NAA60: variants seen among roughly 807,000 people sequenced by gnomAD.
NAA60 encodes the protein N-alpha-acetyltransferase 60, NatF catalytic subunit.
Under a neutral mutation model 26.1 loss-of-function variants are expected in NAA60, and 8 were observed. The ratio of observed to expected loss-of-function variants is 0.31; its 90% CI spans 0.18 to 0.55. The LOEUF is 0.55. Among genes scored for constraint, NAA60 ranks in the 20% least tolerant of loss-of-function variants. The pLI is 0.93. For missense variants in NAA60, 290 were observed against 311.3 expected, an observed-to-expected ratio of 0.93 and a Z score of 0.51; for synonymous variants, 131 against 122.5, an observed-to-expected ratio of 1.07 and a Z score of -0.46.
rs572338954 is a variant in NAA60, at chr16:3,448,688, A to G, written c.-7+148A>G. On this transcript the variant is annotated intron_variant, in intron 2 of 7. Transcript: ENST00000407558. Reference sequence around the variant, plus strand: ...ATGATAGAAGGCGCCTAGTGAAACAAATGCTTTCACTTTTTTGCTAGGAGG... The same window carrying G: ...ATGATAGAAGGCGCCTAGTGAAACAGATGCTTTCACTTTTTTGCTAGGAGG... 1.3e-5 allele frequency: 8 copies of G among 633,354 alleles called. No individual in the cohort carries two copies. In the South Asian group the frequency reaches 1.4e-4, roughly 11 times the overall value. The allele number at this position is 633,354 out of a possible 1,614,324, so 39.2% of individuals were successfully genotyped here.
chr16:3,473,310 G>A (rs965285732), intron 2 of NAA60, among the ~76,000 whole-genome samples: 7 of 152,162 alleles, frequency 4.6e-5, no homozygotes, highest in African/African-American at 1.7e-4. Context: ...ATGGACTCAC[G>A]GTTGTACATG....
At chr16:3,447,512 A>T (rs1029752182) in intron 1 of NAA60, 3 of 985,214 alleles carry the variant, frequency 3.0e-6, no homozygotes, top group Non-Finnish European at 2.4e-6. Flanking sequence ...CTATTACTTA[A>T]ACATAAGTAT....
At chr16:3,460,124 G>T (rs1391429575) in intron 2 of NAA60, among the ~76,000 whole-genome samples, 1 of 152,164 alleles carries the variant, frequency 6.6e-6, no homozygotes, top group Non-Finnish European at 1.5e-5. Context: ...ATGCAGAGAA[G>T]AGGCTTCAGC....
chr16:3,447,759 C>G (rs2034612880), intron 1 of NAA60: 1 of 397,950 alleles, frequency 2.5e-6, no homozygotes, highest in African/African-American at 2.2e-5. Context: ...GTCATGCCTG[C>G]AAGAACAAGA....
intron 2 of NAA60, chr16:3,449,875 C>T: frequency 2.6e-6 from 1 of 383,060 alleles, no homozygotes; most frequent in South Asian, 1.4e-4. Context: ...CTTTTGTCTG[C>T]CACCATGTGA....
intron 2 of NAA60, among the ~76,000 whole-genome samples, chr16:3,459,711 G>T (rs796526855): frequency 5.3e-5 from 8 of 152,290 alleles, no homozygotes; most frequent in African/African-American, 1.9e-4. Flanking sequence ...GCAAAGTCAA[G>T]GCATGGTCTG....
chr16:3,472,651 T>G (rs1172590933), intron 2 of NAA60, among the ~76,000 whole-genome samples: 2 of 152,190 alleles, frequency 1.3e-5, no homozygotes, highest in Non-Finnish European at 2.9e-5. Context: ...GCCAGGCTGG[T>G]CTTGAACTCC....
chr16:3,466,113 A>T (rs966269804), intron 2 of NAA60, among the ~76,000 whole-genome samples: 1 of 152,244 alleles, frequency 6.6e-6, no homozygotes, highest in Non-Finnish European at 1.5e-5. Flanking sequence ...GCACATCGCC[A>T]TCGCGCTTCT....
chr16:3,461,504 G>T (rs1264394940), intron 2 of NAA60, among the ~76,000 whole-genome samples: 3 of 152,228 alleles, frequency 2.0e-5, no homozygotes, highest in Admixed American at 6.5e-5. Flanking sequence ...CAGCCAGGGA[G>T]AAGCCATCGC....
chr16:3,476,446 G>A, intron 3 of NAA60, 109 bp downstream of exon 3: 1 of 904,734 alleles, frequency 1.1e-6, no homozygotes, highest in Non-Finnish European at 1.7e-6. Context: ...CTGCAAAGAT[G>A]GGAATGGCCT....
At chr16:3,446,170 T>C (rs567250627) in intron 1 of NAA60, among the ~76,000 whole-genome samples, 1 of 152,356 alleles carries the variant, frequency 6.6e-6, no homozygotes, top group East Asian at 1.9e-4. Flanking sequence ...ATCTGCTTTC[T>C]CTGAAAATTA....
At chr16:3,449,158 A>T (rs3848358) in intron 2 of NAA60, among the ~76,000 whole-genome samples, 13 of 150,836 alleles carry the variant, frequency 8.6e-5, no homozygotes, top group African/African-American at 2.0e-4. Context: ...AGATCTCTGG[A>T]GGTCAGGAGT....
At chr16:3,462,207 C>G (rs1419458301) in intron 2 of NAA60, among the ~76,000 whole-genome samples, 2 of 151,718 alleles carry the variant, frequency 1.3e-5, no homozygotes, top group Non-Finnish European at 2.9e-5. Flanking sequence ...TCGATTTGGC[C>G]AGCAAAGTAT....
At chr16:3,464,490 T>C (rs1567376461) in intron 2 of NAA60, among the ~76,000 whole-genome samples, 2 of 152,304 alleles carry the variant, frequency 1.3e-5, no homozygotes, top group East Asian at 3.9e-4. Flanking sequence ...CTTGCTGGGC[T>C]TTCTCCTTTT....
intron 2 of NAA60, among the ~76,000 whole-genome samples, chr16:3,472,999 G>GT (rs2036247316): frequency 6.9e-6 from 1 of 144,808 alleles, no homozygotes; most frequent in Admixed American, 7.0e-5. Context: ...TCCTTTGTGT[G>GT]TTCTTTGTCA....
In NAA60 at chr16:3,470,505, A is replaced by C. The variant is rs184969119; in HGVS notation, c.-6-5717A>C. Among the ~76,000 whole-genome samples, 636 of 152,308 alleles carry C rather than the reference A, an allele frequency of 4.2e-3. 3 individuals carry two copies. The highest frequency in any genetic ancestry group is 5.9e-3 in the Non-Finnish European group (400 of 68,010). On this transcript the variant is annotated intron_variant, in intron 2 of 7. Coordinates refer to ENST00000407558, the MANE Select transcript of NAA60 (RefSeq NM_001083601.3). ...CACTTTTTCAGGACCTCTCCCTCCA[A>C]CCAGCTCCACGTCCTTCCCAAAGCT... is the stretch of plus-strand genomic sequence containing the variant.
chr16:3,445,658 A>G (rs2034522854), intron 1 of NAA60, among the ~76,000 whole-genome samples: 1 of 152,122 alleles, frequency 6.6e-6, no homozygotes, highest in Non-Finnish European at 1.5e-5. Flanking sequence ...TTCACCAAGA[A>G]CAAGAGACTC....
chr16:3,459,853 A>T (rs752232433), intron 2 of NAA60, among the ~76,000 whole-genome samples: 4 of 152,196 alleles, frequency 2.6e-5, no homozygotes, highest in Non-Finnish European at 5.9e-5. Flanking sequence ...CCGGGACAGT[A>T]TGGAGAGTAT....
At chr16:3,445,030 C>G (rs913894704) in intron 1 of NAA60, among the ~76,000 whole-genome samples, 1 of 152,174 alleles carries the variant, frequency 6.6e-6, no homozygotes, top group Non-Finnish European at 1.5e-5. Flanking sequence ...TGACAGCTAA[C>G]TAAGAGCTAG....
Sources: allele counts gnomAD v4.1 joint callset (sites outside exome capture counted in the v4.1 genomes callset), GRCh38; gene constraint gnomAD v4.1.1; transcripts MANE v1.5; gene names NCBI Gene and HGNC (gene_info 2026-07-23, HGNC 2026-07-21).